ALK: variants seen among roughly 807,000 people sequenced by gnomAD.
ALK encodes the protein ALK receptor tyrosine kinase.
In ALK, 74 loss-of-function variants were observed where a neutral mutation model predicts 163.1. That is an observed-to-expected ratio of 0.45 (90% confidence interval 0.38 to 0.55). The LOEUF (loss-of-function observed/expected upper bound fraction) is 0.55. Among genes scored for constraint, ALK ranks in the 20% least tolerant of loss-of-function variants. The pLI, the probability that ALK is intolerant of heterozygous loss-of-function variation, is 0.00. For synonymous variants in ALK, 960 were observed against 843.2 expected, an observed-to-expected ratio of 1.14 and a Z score of -2.40; for missense variants, 2,063 against 2,105.3, an observed-to-expected ratio of 0.98 and a Z score of 0.39.
intron 11 of ALK, among the ~76,000 whole-genome samples, chr2:29,258,720 G>A (rs951258186): frequency 6.6e-6 from 1 of 152,154 alleles, no homozygotes; most frequent in Non-Finnish European, 1.5e-5. Flanking sequence ...AGCCTCCCAG[G>A]TCCTTTTGAC....
chr2:29,471,636 C>A (rs150810294), intron 4 of ALK, among the ~76,000 whole-genome samples: 1 of 152,338 alleles, frequency 6.6e-6, no homozygotes, highest in East Asian at 1.9e-4. Context: ...TTGTGGCAGA[C>A]TGCATTTTCC....
intron 2 of ALK, among the ~76,000 whole-genome samples, chr2:29,702,234 T>C (rs1341997752): frequency 1.3e-5 from 2 of 151,926 alleles, no homozygotes; most frequent in African/African-American, 2.4e-5. Context: ...AAAGGCATGG[T>C]ATGCAAATTC....
At chr2:29,286,153 C>T (rs187881561) in intron 9 of ALK, among the ~76,000 whole-genome samples, 26 of 152,288 alleles carry the variant, frequency 1.7e-4, no homozygotes, top group African/African-American at 6.0e-4. Context: ...TGTATCTGGA[C>T]GTCAATGCAC....
chr2:29,544,602 T>C (rs1673504049), intron 3 of ALK, among the ~76,000 whole-genome samples: 1 of 152,110 alleles, frequency 6.6e-6, no homozygotes, highest in Non-Finnish European at 1.5e-5. Flanking sequence ...CATATCCTTA[T>C]CCATATCTAT....
chr2:29,503,524 G>C (rs1350613828), intron 4 of ALK, among the ~76,000 whole-genome samples: 1 of 152,222 alleles, frequency 6.6e-6, no homozygotes, highest in Non-Finnish European at 1.5e-5. Context: ...CCAAGAGAAA[G>C]AACAATGCAT....
chr2:29,498,734 GC>G (rs993216094), intron 4 of ALK, among the ~76,000 whole-genome samples: 1 of 152,244 alleles, frequency 6.6e-6, no homozygotes, highest in Non-Finnish European at 1.5e-5. Context: ...TGTGCTCACA[GC>G]CGCCCTGATT....
chr2:29,546,350 A>T lies in ALK; in HGVS notation c.953-14234T>A, dbSNP rs904629988. ...AGGCAAAGCAAATAAATAGAAAGAA[A>T]CAGAAGACAAAGTGCTGAGAAATCC... is the stretch of plus-strand genomic sequence containing the variant. On this transcript the variant is annotated intron_variant, in intron 3 of 28. Coordinates refer to ENST00000389048, the MANE Select transcript of ALK (RefSeq NM_004304.5). Among the ~76,000 whole-genome samples the T allele has an allele frequency of 1.5e-4, 23 of 152,388 alleles. No individual in the cohort carries two copies. The East Asian group carries it at 4.4e-3, about 29-fold the overall frequency.
intron 4 of ALK, among the ~76,000 whole-genome samples, chr2:29,457,360 G>C (rs56239144): frequency 2.0e-5 from 3 of 152,104 alleles, no homozygotes; most frequent in Non-Finnish European, 2.9e-5. Flanking sequence ...GATGAGCCTC[G>C]GTTAGGAGTA....
chr2:29,228,159 C>G (rs1475613232), intron 16 of ALK, among the ~76,000 whole-genome samples: 1 of 152,210 alleles, frequency 6.6e-6, no homozygotes, highest in Non-Finnish European at 1.5e-5. Flanking sequence ...TTGGGCTCCC[C>G]CCTCGGGCTC....
chr2:29,273,653 A>G (rs1440701052), intron 11 of ALK, among the ~76,000 whole-genome samples: 1 of 152,150 alleles, frequency 6.6e-6, no homozygotes, highest in Non-Finnish European at 1.5e-5. Flanking sequence ...ACTAGTCAAT[A>G]GATGTTTCTG....
intron 3 of ALK, among the ~76,000 whole-genome samples, chr2:29,616,804 C>G (rs1675861220): frequency 6.6e-6 from 1 of 152,174 alleles, no homozygotes. Context: ...TCCAGCAGCT[C>G]ATAGAAACTG....
chr2:29,711,380 C>A (rs570540947), intron 2 of ALK, among the ~76,000 whole-genome samples: 3 of 152,196 alleles, frequency 2.0e-5, no homozygotes, highest in Admixed American at 2.0e-4. Flanking sequence ...TTCTTGAGTC[C>A]TCTACAGACC....
At position 29,296,865 on chromosome 2, in the gene ALK, T is replaced by G. The variant is rs767848658; in HGVS notation, c.1817+23A>C. On this transcript the variant is annotated intron_variant, in intron 9 of 28. Coordinates refer to ENST00000389048, the MANE Select transcript of ALK (RefSeq NM_004304.5). The stretch of plus-strand genomic sequence containing the variant: ...TTTAGCTGATAGAGGAGAAGGGTAT[T>G]GGGGGAGATGCATAGAGCCTACCTG... The G allele has an allele frequency of 1.4e-5, 22 of 1,613,850 alleles. No individual in the cohort carries two copies. In the African/African-American group the frequency reaches 2.5e-4, roughly 19 times the overall value.
At chr2:29,382,450 AT>A (rs747193846) in intron 5 of ALK, among the ~76,000 whole-genome samples, 2 of 152,130 alleles carry the variant, frequency 1.3e-5, no homozygotes, top group Non-Finnish European at 2.9e-5. Context: ...AGGTCAAGAA[AT>A]TTTTGCAGGA....
At chr2:29,387,544 G>A (rs1669060861) in intron 4 of ALK, among the ~76,000 whole-genome samples, 1 of 152,130 alleles carries the variant, frequency 6.6e-6, no homozygotes, top group Non-Finnish European at 1.5e-5. Flanking sequence ...GTGGGCTTGG[G>A]CAAGTCCCTG....
At chr2:29,393,518 C>A (rs1669230136) in intron 4 of ALK, among the ~76,000 whole-genome samples, 1 of 152,100 alleles carries the variant, frequency 6.6e-6, no homozygotes, top group Admixed American at 6.5e-5. Context: ...CACAGGCTTG[C>A]TAGGTTTCCC....
At chr2:29,480,017 A>C (rs11888731) in intron 4 of ALK, among the ~76,000 whole-genome samples, 49,004 of 152,092 alleles carry the variant, frequency 0.32, 8,664 homozygotes, top group African/African-American at 0.46. Flanking sequence ...TTGTTCTTTC[A>C]GCTAAATACT....
chr2:29,333,241 A>G (rs2148263377), intron 5 of ALK, among the ~76,000 whole-genome samples: 1 of 152,038 alleles, frequency 6.6e-6, no homozygotes, highest in South Asian at 2.1e-4. Flanking sequence ...TCAGCCTCCC[A>G]GGCAGCTGGG....
chr2:29,402,547 G>C (rs542041827), intron 4 of ALK, among the ~76,000 whole-genome samples: 4 of 152,352 alleles, frequency 2.6e-5, no homozygotes, highest in African/African-American at 9.6e-5. Flanking sequence ...ATGAATAGAA[G>C]AGTGCTTTGA....
Sources: gnomAD v4.1 joint callset for allele counts (sites outside exome capture counted in the v4.1 genomes callset) on GRCh38, gnomAD v4.1.1 for gene constraint, MANE v1.5 for transcripts, NCBI Gene and HGNC (gene_info 2026-07-23, HGNC 2026-07-21) for gene names.